CPLANE2: variants seen among roughly 807,000 people sequenced by gnomAD.
The protein encoded by CPLANE2 is ciliogenesis and planar polarity effector 2.
CPLANE2 carries 24 observed loss-of-function variants against 20.9 expected under a neutral mutation model. The observed-to-expected ratio is 1.15, with a 90% CI of 0.83 to 1.61. The LOEUF (loss-of-function observed/expected upper bound fraction) is 1.61. CPLANE2 is among the 40% of genes most tolerant of loss of function. The pLI, the probability that CPLANE2 is intolerant of heterozygous loss-of-function variation, is 0.00. For synonymous variants in CPLANE2, 132 were observed against 144.3 expected, an observed-to-expected ratio of 0.92 and a Z score of 0.61; for missense variants, 330 against 355.1, an observed-to-expected ratio of 0.93 and a Z score of 0.57.
In CPLANE2 at chr1:16,233,654, G is replaced by C. The variant is rs749859517; in HGVS notation, c.223C>G (p.Leu75Val). ...ACCACAGGCACCTCCAGGCCAGCCA[G>C]CTTGGCCACCAGCGCCGTCTTGCCC... Reference protein sequence around the residue: ...GVGKTALVAKLAGLEVPVVHH... With the variant: ...GVGKTALVAKVAGLEVPVVHH... The change falls in exon 2 of 5, where the codon CTG (leucine) becomes GTG (valine). Residue 75 changes from leucine (L) to valine (V), a missense_variant. Transcript: ENST00000375599. 5 of 1,614,176 alleles carry C rather than the reference G, an allele frequency of 3.1e-6. No individual in the cohort carries two copies. The highest frequency in any genetic ancestry group is 3.3e-5 in the Admixed American group (2 of 60,028).
At chr1:16,232,325 G>A (rs1178979657) in intron 4 of CPLANE2, 28 bp from the exon 5 acceptor site, 1 of 1,586,838 alleles carries the variant, frequency 6.3e-7, no homozygotes, top group Admixed American at 1.8e-5. Context: ...AGCCTAACTG[G>A]GTGCCTCTGC....
Position 16,231,733 on chromosome 1 carries a change from G to A in CPLANE2, c.*315C>T. On this transcript the variant is annotated 3_prime_UTR_variant, in exon 5 of 5. Transcript: ENST00000375599. ...CGGGGTTTATCTGTTACAACAGATGGTGTCACCTCAACCAATACAGGTTCT... is the reference window on the plus strand; with the variant it reads ...CGGGGTTTATCTGTTACAACAGATGATGTCACCTCAACCAATACAGGTTCT... 1 of 463,202 alleles carries A rather than the reference G, an allele frequency of 2.2e-6. No homozygotes were observed. The highest frequency in any genetic ancestry group is 3.1e-5 in the South Asian group (1 of 32,310). 28.7% of individuals were successfully genotyped at this position (463,202 alleles called of 1,614,324 possible).
intron 1 of CPLANE2, among the ~76,000 whole-genome samples, chr1:16,234,334 G>T (rs1569777869): frequency 6.6e-6 from 1 of 151,280 alleles, no homozygotes; most frequent in South Asian, 2.1e-4. Flanking sequence ...AACCTGGGAG[G>T]TGGAAGTTGC....
At position 16,237,002 on chromosome 1, in the gene CPLANE2, T is replaced by C; in HGVS notation, c.-260A>G. The stretch of plus-strand genomic sequence containing the variant: ...CCTCCGGGGGTCAGACAGCCCCGCT[T>C]CTCCTCTACCTTCTAGATCCCGACT... On this transcript the variant is annotated 5_prime_UTR_variant, in exon 1 of 5. Transcript: ENST00000375599. 1 of 413,360 alleles carries C rather than the reference T, an allele frequency of 2.4e-6. No homozygotes were observed. Among genetic ancestry groups the C allele is most frequent in the Non-Finnish European group, 4.5e-6 (1 of 221,146 alleles). 25.6% of individuals were successfully genotyped at this position (413,360 alleles called of 1,614,324 possible).
chr1:16,233,147 C>G (rs1024381130), intron 2 of CPLANE2, 130 bp from the exon 3 acceptor site: 1 of 1,009,616 alleles, frequency 9.9e-7, no homozygotes. Context: ...GAGGGAGGCA[C>G]AGTCCTTGAC....
In CPLANE2 at chr1:16,231,967, G is replaced by A; in HGVS notation, c.*81C>T. Reference sequence around the variant, plus strand: ...CCATGCTGGCCAGTCCTCCAGATAGGATCCATGTTCCTGCCCCAGCCTCCA... The same window carrying A: ...CCATGCTGGCCAGTCCTCCAGATAGAATCCATGTTCCTGCCCCAGCCTCCA... On this transcript the variant is annotated 3_prime_UTR_variant, in exon 5 of 5. Transcript: ENST00000375599. 3 of 1,541,750 alleles carry A rather than the reference G, an allele frequency of 1.9e-6. No individual in the cohort carries two copies. The highest frequency in any genetic ancestry group is 4.5e-5 in the East Asian group (2 of 44,202).
intron 1 of CPLANE2, among the ~76,000 whole-genome samples, chr1:16,234,472 G>C (rs1394947391): frequency 1.3e-5 from 2 of 152,122 alleles, no homozygotes; most frequent in Non-Finnish European, 2.9e-5. Context: ...CTAAGACGCG[G>C]GTAAATCCTG....
Position 16,236,628 on chromosome 1 carries a change from T to TA in CPLANE2, c.112+2dup. ...GGGCTAGAGGAAAGGGGGAGGCACT[T>TA]ACCAAACACCCGCCGGCGGTTCTTG... On this transcript the variant is annotated splice_region_variant and intron_variant, in intron 1 of 4. Transcript: ENST00000375599. 1 of 1,552,404 alleles carries TA rather than the reference T, an allele frequency of 6.4e-7. No individual in the cohort carries two copies. Among genetic ancestry groups the TA allele is most frequent in the South Asian group, 1.2e-5 (1 of 84,198 alleles).
chr1:16,232,065 C>CT lies in CPLANE2; in HGVS notation c.759dup (p.Glu254ArgfsTer5). On this transcript the variant is annotated frameshift_variant, in exon 5 of 5. Transcript: ENST00000375599. LOFTEE classifies it high-confidence loss of function. Reference sequence around the variant, plus strand: ...CTCGTGACTCATTCAGGAGCACTCTCTGGGGGGTTGGGAAGCAGGCCAGCC... The same window carrying CT: ...CTCGTGACTCATTCAGGAGCACTCTCTTGGGGGGTTGGGAAGCAGGCCAGCC... 1 of 1,613,018 alleles carries CT rather than the reference C, an allele frequency of 6.2e-7. No homozygotes were observed. The highest frequency in any genetic ancestry group is 8.5e-7 in the Non-Finnish European group (1 of 1,179,850).
Position 16,235,494 on chromosome 1 carries a change from A to C in CPLANE2, c.112+1137T>G, listed in dbSNP as rs139595914. ...CCTTATTAATTTCCCCAGTAACTCT[A>C]TGGGGTAAATACTGTGATTATCCCC... On this transcript the variant is annotated intron_variant, in intron 1 of 4. Transcript: ENST00000375599. Among the ~76,000 whole-genome samples, 707 of 152,146 alleles carry C rather than the reference A, an allele frequency of 4.6e-3. 3 individuals are homozygous for C. Among genetic ancestry groups the C allele is most frequent in the Non-Finnish European group, 7.7e-3 (524 of 67,988 alleles).
In CPLANE2 at chr1:16,231,747, A is replaced by G. The variant is rs923671166; in HGVS notation, c.*301T>C. 7.9e-6 allele frequency: 4 copies of G among 504,424 alleles called. No homozygotes were observed. The highest frequency in any genetic ancestry group is 1.4e-5 in the Non-Finnish European group (4 of 280,344). The allele number at this position is 504,424 out of a possible 1,614,324, so 31.2% of individuals were successfully genotyped here. A position where few individuals can be genotyped will look rare whatever the true frequency, so the allele number is the denominator to read the frequency against. On this transcript the variant is annotated 3_prime_UTR_variant, in exon 5 of 5. Coordinates refer to ENST00000375599, the MANE Select transcript of CPLANE2 (RefSeq NM_030907.4). ...TACAACAGATGGTGTCACCTCAACC[A>G]ATACAGGTTCTTGATTGAAGTAACT...
At chr1:16,235,743 C>T (rs1435476392) in intron 1 of CPLANE2, among the ~76,000 whole-genome samples, 2 of 145,632 alleles carry the variant, frequency 1.4e-5, no homozygotes, top group Non-Finnish European at 3.0e-5. Context: ...TGCAATGGCT[C>T]GATCTAGGGT....
intron 1 of CPLANE2, 67 bp from the exon 2 acceptor site, chr1:16,233,831 A>G: frequency 3.2e-6 from 5 of 1,580,792 alleles, no homozygotes; most frequent in Non-Finnish European, 4.3e-6. Flanking sequence ...CCCAGAGTTC[A>G]TGTGTTGGAA....
chr1:16,232,477 C>A (rs747459656), intron 4 of CPLANE2, 33 bp downstream of exon 4: 5 of 1,609,298 alleles, frequency 3.1e-6, no homozygotes, highest in Non-Finnish European at 4.2e-6. Flanking sequence ...GACCCCCTGG[C>A]TCCGTGACTT....
At position 16,233,649 on chromosome 1, in the gene CPLANE2, A is replaced by G; in HGVS notation, c.228T>C (p.Ala76=). The change falls in exon 2 of 5, where the codon GCT becomes GCC. Residue 76 remains alanine (A), a synonymous_variant. Transcript: ENST00000375599. ...VGKTALVAKL[A]GLEVPVVHHE... is the part of the protein sequence containing the mutation. Reference sequence around the variant, plus strand: ...GGTGCACCACAGGCACCTCCAGGCCAGCCAGCTTGGCCACCAGCGCCGTCT... The same window carrying G: ...GGTGCACCACAGGCACCTCCAGGCCGGCCAGCTTGGCCACCAGCGCCGTCT... The G allele has an allele frequency of 6.2e-7, 1 of 1,614,162 alleles. No homozygotes were observed. The highest frequency in any genetic ancestry group is 8.5e-7 in the Non-Finnish European group (1 of 1,180,044).
intron 1 of CPLANE2, 88 bp from the exon 2 acceptor site, chr1:16,233,852 C>A: frequency 6.9e-7 from 1 of 1,444,286 alleles, no homozygotes; most frequent in Non-Finnish European, 9.6e-7. Context: ...ACTTAATCGC[C>A]AATGCACCAG....
rs2081470667 is a variant in CPLANE2 at position 16,236,986 on chromosome 1, G to A, written c.-244C>T. On this transcript the variant is annotated 5_prime_UTR_variant, in exon 1 of 5. Transcript: ENST00000375599. ...CCCTCTCCCCTTGTCACCTCCGGGGGTCAGACAGCCCCGCTTCTCCTCTAC... is the reference window on the plus strand; with the variant it reads ...CCCTCTCCCCTTGTCACCTCCGGGGATCAGACAGCCCCGCTTCTCCTCTAC... 1 of 457,236 alleles carries A rather than the reference G, an allele frequency of 2.2e-6. No homozygotes were observed. Among genetic ancestry groups the A allele is most frequent in the Non-Finnish European group, 4.0e-6 (1 of 247,002 alleles). The allele number at this position is 457,236 out of a possible 1,614,324, so 28.3% of individuals were successfully genotyped here. A position where few individuals can be genotyped will look rare whatever the true frequency, so the allele number is the denominator to read the frequency against.
Position 16,233,593 on chromosome 1 carries a change from G to GT in CPLANE2, c.265+18_265+19insA. 1.9e-6 allele frequency: 3 copies of GT among 1,613,686 alleles called. No individual in the cohort carries two copies. Among genetic ancestry groups the GT allele is most frequent in the Non-Finnish European group, 2.5e-6 (3 of 1,179,850 alleles). On this transcript the variant is annotated intron_variant, in intron 2 of 4. Coordinates refer to ENST00000375599, the MANE Select transcript of CPLANE2 (RefSeq NM_030907.4). ...AGGAGGGCCTCCCAGGATGGGCAAA[G>GT]GATAGAGGTCCCACTCACCGGTGGT...
chr1:16,236,603 G>T, intron 1 of CPLANE2, 28 bp downstream of exon 1: 1 of 1,498,962 alleles, frequency 6.7e-7, no homozygotes, highest in East Asian at 2.5e-5. Context: ...GACAAGTGGC[G>T]GGCTAGAGGA....
Sources: allele counts gnomAD v4.1 joint callset (sites outside exome capture counted in the v4.1 genomes callset), GRCh38; gene constraint gnomAD v4.1.1; transcripts MANE v1.5; gene names NCBI Gene and HGNC (gene_info 2026-07-23, HGNC 2026-07-21).